The following GPR180 variants were observed in gnomAD, a reference collection of about 807,000 sequenced individuals.
GPR180 encodes the protein G protein-coupled receptor 180.
Under a neutral mutation model 52.6 loss-of-function variants are expected in GPR180, and 53 were observed. The ratio of observed to expected loss-of-function variants is 1.01; its 90% CI spans 0.81 to 1.27. GPR180 has a LOEUF of 1.27. Among genes scored for constraint, GPR180 ranks in the 50% most tolerant of loss-of-function variants. The pLI, the probability that GPR180 is intolerant of heterozygous loss-of-function variation, is 0.00. For synonymous variants in GPR180, 200 were observed against 193.1 expected, an observed-to-expected ratio of 1.04 and a Z score of -0.30; for missense variants, 533 against 527.0, an observed-to-expected ratio of 1.01 and a Z score of -0.11.
chr13:94,603,662 C>T (rs189133136), intron 1 of GPR180, among the ~76,000 whole-genome samples: 5 of 152,128 alleles, frequency 3.3e-5, no homozygotes, highest in African/African-American at 4.8e-5. Flanking sequence ...AAGAGACTTG[C>T]ACATTCTTTG....
intron 2 of GPR180, among the ~76,000 whole-genome samples, chr13:94,608,729 T>G (rs1409788421): frequency 6.6e-6 from 1 of 152,184 alleles, no homozygotes; most frequent in Non-Finnish European, 1.5e-5. Flanking sequence ...TCTTAGCTAT[T>G]AATGAGACTT....
At chr13:94,625,889 A>C (rs1395013184) in intron 7 of GPR180, 77 bp from the exon 8 acceptor site, 1 of 970,064 alleles carries the variant, frequency 1.0e-6, no homozygotes, top group Non-Finnish European at 1.6e-6. Context: ...TAAAAATGCT[A>C]GTAACATTTT....
intron 1 of GPR180, among the ~76,000 whole-genome samples, chr13:94,602,503 A>G (rs1280063360): frequency 1.5e-5 from 1 of 66,606 alleles, no homozygotes; most frequent in African/African-American, 7.4e-5. Flanking sequence ...TTTTTTTTTT[A>G]AAGACCAATT....
At chr13:94,623,361 G>A in intron 7 of GPR180, 61 bp downstream of exon 7, 1 of 1,350,982 alleles carries the variant, frequency 7.4e-7, no homozygotes, top group Non-Finnish European at 1.0e-6. Context: ...GTTTCTTTGG[G>A]AAGTTAATAA....
At position 94,619,156 on chromosome 13, in the gene GPR180, A is replaced by G. The variant is rs143335777; in HGVS notation, c.512A>G (p.His171Arg). 2.1e-5 allele frequency: 34 copies of G among 1,613,522 alleles called. No individual in the cohort carries two copies. Among genetic ancestry groups the G allele is most frequent in the Admixed American group, 3.3e-5 (2 of 59,958 alleles). ...CCCTTTCTTCTCTTCACAGGGTTAC[A>G]TGAGTTCTTTTTCCTCCTAGTCCTA... ...DHFSAGESGL[H>R]EFFFLLVLVY... Residue 171 changes from histidine to arginine, a missense_variant, in exon 4 of 9, where the codon CAT (histidine) becomes CGT (arginine). His to Arg is a conservative substitution (Grantham distance 29). Coordinates refer to ENST00000376958, the MANE Select transcript of GPR180 (RefSeq NM_180989.6).
chr13:94,628,305 A>G lies in GPR180; in HGVS notation c.*1134A>G, dbSNP rs972622322. ...AAGTGCCTGATTAAAGAATTGCTAA[A>G]TGGTTGTCAATACTCGCTGTATAAA... On this transcript the variant is annotated 3_prime_UTR_variant, in exon 9 of 9. Transcript: ENST00000376958. 10 of 152,192 alleles carry G rather than the reference A, an allele frequency of 6.6e-5. No homozygotes were observed. The highest frequency in any genetic ancestry group is 2.2e-4 in the African/African-American group (9 of 41,402). 9.4% of individuals were successfully genotyped at this position (152,192 alleles called of 1,614,324 possible). A position where few individuals can be genotyped will look rare whatever the true frequency, so the allele number is the denominator to read the frequency against.
At chr13:94,616,705 C>A (rs1420753795) in intron 3 of GPR180, among the ~76,000 whole-genome samples, 10 of 152,152 alleles carry the variant, frequency 6.6e-5, no homozygotes, top group Non-Finnish European at 5.9e-5. Context: ...TTAGTATCCA[C>A]CTGTTTTAAA....
At chr13:94,618,290 A>G (rs951371251) in intron 3 of GPR180, among the ~76,000 whole-genome samples, 1 of 152,130 alleles carries the variant, frequency 6.6e-6, no homozygotes, top group Non-Finnish European at 1.5e-5. Context: ...TGATCTACTA[A>G]GAGAAGATGA....
At position 94,619,401 on chromosome 13, in the gene GPR180, G is replaced by T. The variant is rs190767163; in HGVS notation, c.687-67G>T. 2,091 of 1,600,812 alleles carry T rather than the reference G, an allele frequency of 1.3e-3. 1 individual carries two copies. Among genetic ancestry groups the T allele is most frequent in the Non-Finnish European group, 1.7e-3 (1,977 of 1,171,256 alleles). ...ATCCTAATTAGTCCACCAAAATTAT[G>T]CTTGCTTTGATTATAAACAATTTTT... is the stretch of plus-strand genomic sequence containing the variant. On this transcript the variant is annotated intron_variant, in intron 4 of 8. Transcript: ENST00000376958.
chr13:94,628,396 G>A lies in GPR180; in HGVS notation c.*1225G>A, dbSNP rs916328593. On this transcript the variant is annotated 3_prime_UTR_variant, in exon 9 of 9. Coordinates refer to ENST00000376958, the MANE Select transcript of GPR180 (RefSeq NM_180989.6). ...TGTTGCTGTTTGTCAAGCTGTTCAG[G>A]CCTTTTCCTTTTTACTTCTGGCTTA... 6.6e-6 allele frequency: 1 copy of A among 151,910 alleles called. No individual in the cohort carries two copies. Among genetic ancestry groups the A allele is most frequent in the Non-Finnish European group, 1.5e-5 (1 of 67,908 alleles). 9.4% of individuals were successfully genotyped at this position (151,910 alleles called of 1,614,324 possible). A position where few individuals can be genotyped will look rare whatever the true frequency, so the allele number is the denominator to read the frequency against.
At chr13:94,625,006 G>C (rs1189209408) in intron 7 of GPR180, among the ~76,000 whole-genome samples, 5 of 151,618 alleles carry the variant, frequency 3.3e-5, no homozygotes. Flanking sequence ...TAGAGATGGG[G>C]TTTCTCCATG....
At chr13:94,618,420 ATTTTTTTTTT>A (rs570807308) in intron 3 of GPR180, among the ~76,000 whole-genome samples, 1 of 87,156 alleles carries the variant, frequency 1.1e-5, no homozygotes, top group Non-Finnish European at 2.1e-5. Flanking sequence ...TCAGCACAGG[ATTTTTTTTTT>A]TTTTTTTTTT....
Position 94,626,028 on chromosome 13 carries a change from C to A in GPR180, c.1149C>A (p.Asp383Glu). Residue 383 changes from aspartate to glutamate, a missense_variant, in exon 8 of 9, where the codon GAC (aspartate) becomes GAA (glutamate). Asp to Glu is a conservative substitution (Grantham distance 45, BLOSUM62 2). Coordinates refer to ENST00000376958, the MANE Select transcript of GPR180 (RefSeq NM_180989.6). ...VLACISVIFSDYQRDKVITIG... is the reference protein window; with the variant it reads ...VLACISVIFSEYQRDKVITIG... ...CATGCATTTCTGTCATTTTTAGCGA[C>A]TACCAAAGAGACAAGGTAAGAAATA... The A allele has an allele frequency of 6.2e-7, 1 of 1,609,344 alleles. No individual in the cohort carries two copies.
In GPR180 at chr13:94,623,193, A is replaced by G; in HGVS notation, c.979A>G (p.Ile327Val). ...CCACAACTTAGCAGGGATCCTCCTA[A>G]TTGTTCTAAGAATTTGCCTAGCATT... ...SHHNLAGILL[I>V]VLRICLALSL... is the part of the protein sequence containing the mutation. The change falls in exon 7 of 9, where the codon ATT (isoleucine) becomes GTT (valine). Residue 327 changes from isoleucine (I) to valine (V), a missense_variant. Coordinates refer to ENST00000376958, the MANE Select transcript of GPR180 (RefSeq NM_180989.6). The G allele has an allele frequency of 2.5e-6, 4 of 1,613,982 alleles. No individual in the cohort carries two copies. The highest frequency in any genetic ancestry group is 1.1e-5 in the South Asian group (1 of 91,086).
intron 3 of GPR180, among the ~76,000 whole-genome samples, chr13:94,617,777 G>A (rs895677571): frequency 6.6e-6 from 1 of 152,076 alleles, no homozygotes; most frequent in African/African-American, 2.4e-5. Flanking sequence ...CTTGGTGTTC[G>A]CTATTGGAAT....
chr13:94,610,996 A>T (rs372491230), intron 2 of GPR180, among the ~76,000 whole-genome samples: 1 of 152,212 alleles, frequency 6.6e-6, no homozygotes, highest in East Asian at 1.9e-4. Context: ...ATGCTAGGTG[A>T]CTCAAATAAC....
rs1481249461 is a variant in GPR180, at chr13:94,631,133, G to A, written c.*3962G>A. ...CTTCTCTGGCTCCTGGGCCAGGTGT[G>A]CGTTTTACTCTGACAAAGGGTGCCA... On this transcript the variant is annotated 3_prime_UTR_variant, in exon 9 of 9. Coordinates refer to ENST00000376958, the MANE Select transcript of GPR180 (RefSeq NM_180989.6). 2.6e-5 allele frequency: 4 copies of A among 152,220 alleles called. No individual in the cohort carries two copies. The highest frequency in any genetic ancestry group is 4.8e-5 in the African/African-American group (2 of 41,452). 9.4% of individuals were successfully genotyped at this position (152,220 alleles called of 1,614,324 possible).
At position 94,627,806 on chromosome 13, in the gene GPR180, GACAA is replaced by G. The variant is rs1423073573; in HGVS notation, c.*639_*642del. 2 of 151,996 alleles carry G rather than the reference GACAA, an allele frequency of 1.3e-5. No individual in the cohort carries two copies. Among genetic ancestry groups the G allele is most frequent in the African/African-American group, 2.4e-5 (1 of 41,388 alleles). The allele number at this position is 151,996 out of a possible 1,614,324, so 9.4% of individuals were successfully genotyped here. A position where few individuals can be genotyped will look rare whatever the true frequency, so the allele number is the denominator to read the frequency against. ...TTTAGCTTGATTAGCAAAGGTTTTT[GACAA>G]ACAGTTTATGAAAAAATAAAACTTA... On this transcript the variant is annotated 3_prime_UTR_variant, in exon 9 of 9. Coordinates refer to ENST00000376958, the MANE Select transcript of GPR180 (RefSeq NM_180989.6).
intron 3 of GPR180, among the ~76,000 whole-genome samples, chr13:94,618,622 A>G (rs1171472559): frequency 6.6e-6 from 1 of 151,982 alleles, no homozygotes; most frequent in African/African-American, 2.4e-5. Flanking sequence ...GGCTCTACTC[A>G]GAGTTTCTGA....
Sources: gnomAD v4.1 joint callset for allele counts (sites outside exome capture counted in the v4.1 genomes callset) on GRCh38, gnomAD v4.1.1 for gene constraint, MANE v1.5 for transcripts, NCBI Gene and HGNC (gene_info 2026-07-23, HGNC 2026-07-21) for gene names.